The following BTRC variants were observed in gnomAD, a reference collection of about 807,000 sequenced individuals.
BTRC encodes the protein beta-transducin repeat containing E3 ubiquitin protein ligase.
Under a neutral mutation model 85.5 loss-of-function variants are expected in BTRC, and 42 were observed. The observed-to-expected ratio is 0.49, with a 90% CI of 0.38 to 0.64. The LOEUF is 0.64. Ranked by LOEUF, BTRC falls within the 30% of genes least tolerant of loss-of-function variation. The pLI is 0.00. For missense variants in BTRC, 594 were observed against 743.5 expected (o/e 0.80, Z 2.34); for synonymous variants, 255 against 263.3 (o/e 0.97, Z 0.30).
chr10:101,509,506 G>A (rs1227087218), intron 4 of BTRC, among the ~76,000 whole-genome samples: 5 of 148,854 alleles, frequency 3.4e-5, no homozygotes, highest in African/African-American at 7.4e-5. Context: ...CGCCCGCCTC[G>A]GCCTCCCAAA....
intron 1 of BTRC, among the ~76,000 whole-genome samples, chr10:101,386,058 C>T (rs1241756479): frequency 6.6e-6 from 1 of 152,046 alleles, no homozygotes; most frequent in Non-Finnish European, 1.5e-5. Context: ...CAAAAATCCT[C>T]CCAGAACATC....
At chr10:101,495,635 T>A (rs964675156) in intron 4 of BTRC, among the ~76,000 whole-genome samples, 2 of 152,164 alleles carry the variant, frequency 1.3e-5, no homozygotes, top group African/African-American at 4.8e-5. Context: ...TGGCAAAAAT[T>A]TAAATCTTTT....
chr10:101,386,001 A>G (rs974377001), intron 1 of BTRC, among the ~76,000 whole-genome samples: 7 of 152,150 alleles, frequency 4.6e-5, no homozygotes, highest in Admixed American at 4.6e-4. Context: ...TATGTTGCCT[A>G]GTAGTGTCAG....
At chr10:101,440,489 G>A (rs890121433) in intron 2 of BTRC, among the ~76,000 whole-genome samples, 1 of 152,122 alleles carries the variant, frequency 6.6e-6, no homozygotes, top group Non-Finnish European at 1.5e-5. Context: ...GGGAAGCTGA[G>A]GTGGGTGGAT....
At chr10:101,366,790 T>TTATATATA (rs1942395252) in intron 1 of BTRC, among the ~76,000 whole-genome samples, 1 of 59,128 alleles carries the variant, frequency 1.7e-5, no homozygotes, top group Non-Finnish European at 3.7e-5. Context: ...ATATATATAT[T>TTATATATA]TTTACATTTA....
chr10:101,420,762 C>T (rs1944079445), intron 1 of BTRC, among the ~76,000 whole-genome samples: 1 of 152,042 alleles, frequency 6.6e-6, no homozygotes. Context: ...GTAGTCAACT[C>T]TCTGCCACTT....
At chr10:101,419,712 C>T (rs944755808) in intron 1 of BTRC, among the ~76,000 whole-genome samples, 1 of 152,122 alleles carries the variant, frequency 6.6e-6, no homozygotes, top group East Asian at 1.9e-4. Context: ...GCATACCAAG[C>T]GGTGGGAAAC....
intron 1 of BTRC, among the ~76,000 whole-genome samples, chr10:101,393,099 G>A (rs1943278315): frequency 6.6e-6 from 1 of 152,074 alleles, no homozygotes; most frequent in South Asian, 2.1e-4. Flanking sequence ...CTCGTGGGAG[G>A]AAGGAATGCT....
intron 12 of BTRC, among the ~76,000 whole-genome samples, chr10:101,537,545 T>TAGTTATTC (rs986632617): frequency 1.3e-5 from 2 of 152,104 alleles, no homozygotes; most frequent in Non-Finnish European, 2.9e-5. Context: ...GAAAAAAAAA[T>TAGTTATTC]AGTTATTCAC....
chr10:101,532,270 C>T, intron 7 of BTRC, 25 bp from the exon 8 acceptor site: 2 of 1,597,812 alleles, frequency 1.3e-6, no homozygotes, highest in East Asian at 4.5e-5. Context: ...CCTAACACTG[C>T]CTCTTTCCCA....
At chr10:101,538,397 A>T in intron 13 of BTRC, 26 bp downstream of exon 13, 1 of 1,576,266 alleles carries the variant, frequency 6.3e-7, no homozygotes, top group Non-Finnish European at 8.7e-7. Flanking sequence ...TTTAGAGAGC[A>T]TTGGAGAGCA....
intron 13 of BTRC, among the ~76,000 whole-genome samples, chr10:101,548,349 G>A (rs953590133): frequency 2.0e-5 from 3 of 152,210 alleles, no homozygotes; most frequent in African/African-American, 7.2e-5. Flanking sequence ...CAAGAGAATA[G>A]ATGGATTGTA....
chr10:101,524,641 T>C (rs112641804), intron 5 of BTRC, among the ~76,000 whole-genome samples: 30 of 152,280 alleles, frequency 2.0e-4, no homozygotes, highest in African/African-American at 7.0e-4. Flanking sequence ...TCAGGAACAA[T>C]TTGATGGCAC....
intron 4 of BTRC, among the ~76,000 whole-genome samples, chr10:101,489,220 C>T (rs927147544): frequency 1.3e-5 from 2 of 151,844 alleles, no homozygotes; most frequent in African/African-American, 4.8e-5. Context: ...GATGTAATAC[C>T]AAATAGTATC....
intron 5 of BTRC, among the ~76,000 whole-genome samples, chr10:101,523,418 G>C (rs2062148565): frequency 2.0e-5 from 3 of 152,110 alleles, no homozygotes; most frequent in East Asian, 1.9e-4. Context: ...TCAGTATTTG[G>C]GGGGAATGCT....
Position 101,521,696 on chromosome 10 carries a change from G to A in BTRC, c.382G>A (p.Ala128Thr), listed in dbSNP as rs1331619923. The A allele has an allele frequency of 1.2e-6, 2 of 1,614,144 alleles. No homozygotes were observed. Among genetic ancestry groups the A allele is most frequent in the Non-Finnish European group, 1.7e-6 (2 of 1,180,036 alleles). ...MIVPKQRKLS[A>T]SYEKEKELCV... ...TGTGCCCAAGCAACGGAAACTCTCA[G>A]CAAGCTATGAAAAGGAAAAGGAACT... Residue 128 changes from alanine (A) to threonine (T), a missense_variant, in exon 5 of 15, where the codon GCA (alanine) becomes ACA (threonine). Ala to Thr is a moderately conservative substitution (Grantham distance 58). This residue lies in a region of BTRC where 163 missense variants were observed against 180.5 expected (regional missense o/e 0.90). Transcript: ENST00000370187.
rs1943701058 is a variant in BTRC at position 101,408,920 on chromosome 10, G to A, written c.49-21425G>A. Among the ~76,000 whole-genome samples, 5 of 151,958 alleles carry A rather than the reference G, an allele frequency of 3.3e-5. No homozygotes were observed. In the South Asian group the frequency reaches 1.0e-3, roughly 32 times the overall value. On this transcript the variant is annotated intron_variant, in intron 1 of 14. Transcript: ENST00000370187. The stretch of plus-strand genomic sequence containing the variant: ...AAAAATTAGCTGGGCGTGGTGGTGG[G>A]CGCATGAAAGCCCAGCTATTTGGGA...
chr10:101,511,941 A>G lies in BTRC; in HGVS notation c.325-9698A>G, dbSNP rs2061962090. ...GCTGGGATTACAGGCATGAGCTGCT[A>G]CCATGCCTGCCTTTACTCCTTATTT... On this transcript the variant is annotated intron_variant, in intron 4 of 14. Coordinates refer to ENST00000370187, the MANE Select transcript of BTRC (RefSeq NM_033637.4). Among the ~76,000 whole-genome samples the G allele has an allele frequency of 3.3e-5, 5 of 152,168 alleles. No homozygotes were observed. The South Asian group carries it at 1.0e-3, about 32-fold the overall frequency.
In BTRC at chr10:101,532,998, A is replaced by G; in HGVS notation, c.1025A>G (p.His342Arg). ...TLECKRILTG[H>R]TGSVLCLQYD... ...GAATGCAAGCGAATTCTCACAGGCC[A>G]TACAGGTTCAGTCCTCTGTCTCCAG... The change falls in exon 9 of 15, where the codon CAT becomes CGT. Residue 342 changes from histidine to arginine, a missense_variant. Transcript: ENST00000370187. 2 of 1,613,658 alleles carry G rather than the reference A, an allele frequency of 1.2e-6. No homozygotes were observed. Among genetic ancestry groups the G allele is most frequent in the Non-Finnish European group, 1.7e-6 (2 of 1,179,802 alleles).
Sources: allele counts gnomAD v4.1 joint callset (sites outside exome capture counted in the v4.1 genomes callset), GRCh38; gene constraint gnomAD v4.1.1; regional missense constraint gnomAD v4.1.1; transcripts MANE v1.5; gene names NCBI Gene and HGNC (gene_info 2026-07-23, HGNC 2026-07-21).